The following SHISA6 variants were observed in gnomAD, a reference collection of about 807,000 sequenced individuals.
SHISA6 encodes the protein shisa family member 6, also known as protein shisa-6.
Under a neutral mutation model 47.9 loss-of-function variants are expected in SHISA6, and 22 were observed. That is an observed-to-expected ratio of 0.46 (90% CI 0.33 to 0.66). The LOEUF is 0.66. Ranked by LOEUF, SHISA6 falls within the 30% of genes least tolerant of loss-of-function variation. The pLI, the probability that SHISA6 is intolerant of heterozygous loss-of-function variation, is 0.02. For missense variants in SHISA6, 680 were observed against 764.6 expected, an observed-to-expected ratio of 0.89 and a Z score of 1.30; for synonymous variants, 388 against 337.8, an observed-to-expected ratio of 1.15 and a Z score of -1.63.
chr17:11,517,387 T>A (rs561146466), intron 3 of SHISA6, among the ~76,000 whole-genome samples: 1 of 152,336 alleles, frequency 6.6e-6, no homozygotes, highest in East Asian at 1.9e-4. Flanking sequence ...AGTAGCTACC[T>A]GTGGAGATAT....
At chr17:11,286,596 G>A (rs572144688) in intron 2 of SHISA6, among the ~76,000 whole-genome samples, 87 of 152,272 alleles carry the variant, frequency 5.7e-4, no homozygotes, top group African/African-American at 2.0e-3. Context: ...CTGTTACTAG[G>A]AAAGAAATGT....
At chr17:11,315,100 T>G (rs977671745) in intron 2 of SHISA6, among the ~76,000 whole-genome samples, 1 of 152,240 alleles carries the variant, frequency 6.6e-6, no homozygotes, top group African/African-American at 2.4e-5. Flanking sequence ...TCCAGAAATA[T>G]GTCTTTTCAG....
chr17:11,399,028 T>C (rs1188796424), intron 3 of SHISA6, among the ~76,000 whole-genome samples: 1 of 152,214 alleles, frequency 6.6e-6, no homozygotes, highest in Non-Finnish European at 1.5e-5. Context: ...ACTTGCTGTA[T>C]ATTTTTTTCT....
At chr17:11,243,963 C>T (rs533174521) in intron 1 of SHISA6, among the ~76,000 whole-genome samples, 132 of 152,312 alleles carry the variant, frequency 8.7e-4, no homozygotes, top group Admixed American at 3.2e-3. Context: ...ATACAGAGGG[C>T]GGTGTCCTCA....
At chr17:11,335,847 T>C (rs1911300611) in intron 2 of SHISA6, among the ~76,000 whole-genome samples, 1 of 152,134 alleles carries the variant, frequency 6.6e-6, no homozygotes, top group Admixed American at 6.5e-5. Flanking sequence ...TGCAATAAAG[T>C]TTATTTCATA....
intron 1 of SHISA6, among the ~76,000 whole-genome samples, chr17:11,242,718 G>C (rs1056121098): frequency 2.0e-5 from 3 of 152,190 alleles, no homozygotes; most frequent in African/African-American, 4.8e-5. Flanking sequence ...TGAGTTAACA[G>C]TACTCGCCTG....
intron 2 of SHISA6, among the ~76,000 whole-genome samples, chr17:11,337,104 G>A (rs1338715190): frequency 2.0e-5 from 3 of 152,158 alleles, no homozygotes; most frequent in African/African-American, 4.8e-5. Context: ...CAGAACCACA[G>A]GCAGTGTAGA....
chr17:11,525,700 A>C (rs1056166577), intron 3 of SHISA6, among the ~76,000 whole-genome samples: 5 of 148,406 alleles, frequency 3.4e-5, no homozygotes, highest in Admixed American at 3.4e-4. Context: ...ACAAATGATA[A>C]ATTTTAAGGG....
intron 1 of SHISA6, among the ~76,000 whole-genome samples, chr17:11,249,282 C>A (rs899290523): frequency 6.6e-6 from 1 of 151,450 alleles, no homozygotes. Flanking sequence ...CATCCAGTGG[C>A]CGTGTGTGTG....
At chr17:11,292,810 C>T (rs768200756) in intron 2 of SHISA6, among the ~76,000 whole-genome samples, 6 of 150,674 alleles carry the variant, frequency 4.0e-5, no homozygotes, top group Non-Finnish European at 7.4e-5. Flanking sequence ...CAAGCAGGAG[C>T]CACAATCAGA....
At chr17:11,455,910 C>T (rs776289972) in intron 3 of SHISA6, among the ~76,000 whole-genome samples, 1 of 152,192 alleles carries the variant, frequency 6.6e-6, no homozygotes, top group Non-Finnish European at 1.5e-5. Context: ...CCTGTTGATA[C>T]TAAAATGAGT....
chr17:11,470,890 G>A (rs1217052715), intron 3 of SHISA6, among the ~76,000 whole-genome samples: 3 of 152,142 alleles, frequency 2.0e-5, no homozygotes, highest in Non-Finnish European at 4.4e-5. Flanking sequence ...GACAGTGATG[G>A]AAGAGTTGTT....
intron 4 of SHISA6, 137 bp downstream of exon 4, chr17:11,552,089 C>T (rs896610401): frequency 2.0e-5 from 17 of 860,622 alleles, no homozygotes; most frequent in African/African-American, 3.4e-5. Context: ...GCCACAGGCT[C>T]GCCCTCCTCC....
intron 3 of SHISA6, among the ~76,000 whole-genome samples, chr17:11,526,117 C>CCT (rs565670711): frequency 2.6e-5 from 4 of 152,094 alleles, no homozygotes; most frequent in Non-Finnish European, 5.9e-5. Flanking sequence ...GGGACCCCCC[C>CCT]CCGCTCTCTG....
chr17:11,353,370 T>G (rs538543933), intron 2 of SHISA6, among the ~76,000 whole-genome samples: 1 of 149,830 alleles, frequency 6.7e-6, no homozygotes, highest in Admixed American at 6.7e-5. Flanking sequence ...GGCAAAAGAA[T>G]CGCGTGAACC....
At chr17:11,502,408 CAAAA>C (rs33980148) in intron 3 of SHISA6, among the ~76,000 whole-genome samples, 2 of 34,058 alleles carry the variant, frequency 5.9e-5, no homozygotes, top group South Asian at 2.4e-3. Flanking sequence ...GACTCCGTCT[CAAAA>C]AAAAAAAAAA....
chr17:11,305,781 C>T lies in SHISA6; in HGVS notation c.799+42255C>T, dbSNP rs117328834. Among the ~76,000 whole-genome samples, 86 of 152,242 alleles carry T rather than the reference C, an allele frequency of 5.6e-4. 1 individual carries two copies. The East Asian group carries it at 0.016, about 29-fold the overall frequency. ...GGCCCACCCTGCCCCGAGCCTCCAC[C>T]TGCGTGTAGCACCATCACGTCTGCT... On this transcript the variant is annotated intron_variant, in intron 2 of 5. Coordinates refer to ENST00000441885, the MANE Select transcript of SHISA6 (RefSeq NM_207386.4).
chr17:11,450,995 TA>T (rs757372845), intron 3 of SHISA6, among the ~76,000 whole-genome samples: 12,379 of 122,996 alleles, frequency 0.1, 600 homozygotes, highest in Admixed American at 0.15. Context: ...AATAGAAAAT[TA>T]AAAAAAAAAA....
chr17:11,261,731 T>C (rs569563404), intron 1 of SHISA6, among the ~76,000 whole-genome samples: 37 of 152,380 alleles, frequency 2.4e-4, no homozygotes, highest in Non-Finnish European at 5.3e-4. Context: ...TTGGGTTGTA[T>C]CTACCCTTTG....
Sources: allele counts gnomAD v4.1 joint callset (sites outside exome capture counted in the v4.1 genomes callset), GRCh38; gene constraint gnomAD v4.1.1; transcripts MANE v1.5; gene names NCBI Gene and HGNC (gene_info 2026-07-23, HGNC 2026-07-21).